Variants in GALNT13 observed in about 807,000 individuals in gnomAD.
The protein encoded by GALNT13 is UDP-GalNAc:polypeptide N-acetylgalactosaminyltransferase 13.
Under a neutral mutation model 64.2 loss-of-function variants are expected in GALNT13, and 28 were observed. The observed-to-expected ratio is 0.44, with a 90% CI of 0.32 to 0.60. The LOEUF (loss-of-function observed/expected upper bound fraction) is 0.60, where lower values mean the gene tolerates loss of function less well. Among genes scored for constraint, GALNT13 ranks in the 20% least tolerant of loss-of-function variants. GALNT13 has a pLI of 0.05. For synonymous variants in GALNT13, 214 were observed against 224.6 expected, an observed-to-expected ratio of 0.95 and a Z score of 0.42; for missense variants, 577 against 669.8, an observed-to-expected ratio of 0.86 and a Z score of 1.53.
At chr2:154,177,667 G>C (rs1685727195) in intron 4 of GALNT13, among the ~76,000 whole-genome samples, 1 of 152,110 alleles carries the variant, frequency 6.6e-6, no homozygotes, top group Non-Finnish European at 1.5e-5. Flanking sequence ...AGGAATAGTG[G>C]GCTAGGGGAA....
intron 3 of GALNT13, among the ~76,000 whole-genome samples, chr2:154,054,558 A>G (rs191295396): frequency 1.3e-5 from 2 of 152,144 alleles, no homozygotes; most frequent in Non-Finnish European, 2.9e-5. Context: ...TTTCATTTTA[A>G]AAAAATTAAG....
chr2:154,049,245 G>A (rs573529854), intron 3 of GALNT13, among the ~76,000 whole-genome samples: 1 of 151,232 alleles, frequency 6.6e-6, no homozygotes. Context: ...CGGGTCTGTG[G>A]AATTTGTCTT....
chr2:154,099,044 A>C (rs1702216022), intron 3 of GALNT13, among the ~76,000 whole-genome samples: 1 of 152,098 alleles, frequency 6.6e-6, no homozygotes, highest in Admixed American at 6.6e-5. Context: ...ACCTACAATG[A>C]AAAGTATCCC....
At chr2:153,779,234 T>C in the GALNT13 span, among the ~76,000 whole-genome samples, 91 of 152,306 alleles carry the variant, frequency 6.0e-4, no homozygotes, top group African/African-American at 2.0e-3. Flanking sequence ...ATTTCATTTA[T>C]GCTATTTGTT....
At chr2:153,169,753 A>G in the GALNT13 span, among the ~76,000 whole-genome samples, 2 of 152,130 alleles carry the variant, frequency 1.3e-5, no homozygotes, top group African/African-American at 4.8e-5. Flanking sequence ...CCTGCAGTGC[A>G]TTATTTTCTT....
At chr2:153,831,889 G>C in the GALNT13 span, among the ~76,000 whole-genome samples, 19 of 152,036 alleles carry the variant, frequency 1.2e-4, no homozygotes, top group African/African-American at 4.6e-4. Context: ...TTCTATACTC[G>C]TGTGACATAT....
the GALNT13 span, among the ~76,000 whole-genome samples, chr2:153,562,046 C>G: frequency 1.0e-5 from 1 of 98,272 alleles, no homozygotes; most frequent in Non-Finnish European, 2.0e-5. Context: ...CTCTCTTTCT[C>G]TCTCTCTCTC....
intron 4 of GALNT13, among the ~76,000 whole-genome samples, chr2:154,176,392 A>G (rs957490837): frequency 1.3e-5 from 2 of 151,432 alleles, no homozygotes; most frequent in Non-Finnish European, 2.9e-5. Context: ...AGCTGGGACT[A>G]CAGGCGCCCG....
intron 9 of GALNT13, among the ~76,000 whole-genome samples, chr2:154,369,106 A>AT (rs1463782996): frequency 1.3e-5 from 2 of 152,092 alleles, no homozygotes; most frequent in Non-Finnish European, 2.9e-5. Flanking sequence ...ATTCTGGAAA[A>AT]AAAATGTTTC....
the GALNT13 span, among the ~76,000 whole-genome samples, chr2:153,702,973 G>C: frequency 6.6e-6 from 1 of 152,152 alleles, no homozygotes; most frequent in South Asian, 2.1e-4. Flanking sequence ...CTAGCAATGA[G>C]ACTGGGAAAC....
At chr2:154,244,774 T>C (rs1205472696) in intron 6 of GALNT13, among the ~76,000 whole-genome samples, 1 of 152,104 alleles carries the variant, frequency 6.6e-6, no homozygotes, top group Admixed American at 6.5e-5. Context: ...CCAAATGAAA[T>C]TTTCTACCAT....
the GALNT13 span, among the ~76,000 whole-genome samples, chr2:153,408,674 T>G: frequency 1.5e-4 from 23 of 152,098 alleles, 1 homozygote; most frequent in Non-Finnish European, 2.4e-4. Context: ...GTTTTTTTTT[T>G]GCTAAGGATG....
chr2:153,880,319 AT>A (rs1252833357), intron 1 of GALNT13, among the ~76,000 whole-genome samples: 1 of 152,102 alleles, frequency 6.6e-6, no homozygotes, highest in Admixed American at 6.5e-5. Flanking sequence ...GTTATTTAAT[AT>A]TTTTGTTTAA....
chr2:153,922,914 T>A (rs1335630162), intron 2 of GALNT13, among the ~76,000 whole-genome samples: 1 of 152,076 alleles, frequency 6.6e-6, no homozygotes, highest in East Asian at 1.9e-4. Flanking sequence ...ATTTTTTATT[T>A]TTTGAAACAG....
the GALNT13 span, among the ~76,000 whole-genome samples, chr2:153,715,365 T>C: frequency 6.6e-6 from 1 of 152,260 alleles, no homozygotes; most frequent in Non-Finnish European, 1.5e-5. Context: ...CTGATTGCTT[T>C]GCAGCCCTCC....
the GALNT13 span, among the ~76,000 whole-genome samples, chr2:153,670,426 C>G: frequency 2.0e-5 from 3 of 152,160 alleles, no homozygotes; most frequent in African/African-American, 7.2e-5. Context: ...AGTGAACCTC[C>G]AGCAAACTCC....
chr2:153,498,709 C>T, the GALNT13 span, among the ~76,000 whole-genome samples: 2 of 152,212 alleles, frequency 1.3e-5, no homozygotes, highest in Admixed American at 1.3e-4. Context: ...TCGGGGAACC[C>T]CTAGGTCTGC....
the GALNT13 span, among the ~76,000 whole-genome samples, chr2:153,802,866 A>C: frequency 6.6e-6 from 1 of 152,236 alleles, no homozygotes; most frequent in Admixed American, 6.5e-5. Context: ...ATGCCTTAGC[A>C]TCTGCCCTCA....
chr2:153,255,969 A>G, the GALNT13 span, among the ~76,000 whole-genome samples: 1 of 152,098 alleles, frequency 6.6e-6, no homozygotes, highest in Non-Finnish European at 1.5e-5. Context: ...CTCGAGGAAT[A>G]TCTTTGTGGC....
Sources: gnomAD v4.1 joint callset for allele counts (sites outside exome capture counted in the v4.1 genomes callset) on GRCh38, gnomAD v4.1.1 for gene constraint, MANE v1.5 for transcripts, NCBI Gene and HGNC (gene_info 2026-07-23, HGNC 2026-07-21) for gene names.